The following ABCB1 variants were observed in gnomAD, a reference collection of about 807,000 sequenced individuals.
ABCB1 encodes the protein ATP-dependent translocase ABCB1.
A neutral mutation model predicts 142.0 loss-of-function variants in ABCB1; 69 were observed. That is an observed-to-expected ratio of 0.49 (90% CI 0.40 to 0.59). The LOEUF (loss-of-function observed/expected upper bound fraction) is 0.59, where lower values mean the gene tolerates loss of function less well. ABCB1 is among the 20% of genes least tolerant of loss of function. The pLI, the probability that ABCB1 is intolerant of heterozygous loss-of-function variation, is 0.00. For missense variants in ABCB1, 1,326 were observed against 1,554.7 expected (o/e 0.85, Z 2.47); for synonymous variants, 532 against 539.2 (o/e 0.99, Z 0.18).
intron 1 of ABCB1, among the ~76,000 whole-genome samples, chr7:87,642,486 C>G (rs1034788685): frequency 2.6e-5 from 4 of 152,012 alleles, no homozygotes; most frequent in African/African-American, 9.6e-5. Context: ...ATAAAGTGTT[C>G]TTTATTAAAA....
At chr7:87,626,123 AT>A (rs764426382) in intron 1 of ABCB1, among the ~76,000 whole-genome samples, 63 of 125,164 alleles carry the variant, frequency 5.0e-4, no homozygotes, top group East Asian at 2.9e-3. Flanking sequence ...TGTCATATAT[AT>A]TGTCATATAT....
chr7:87,516,510 G>T lies in ABCB1; in HGVS notation c.3083C>A (p.Pro1028Gln). The T allele has an allele frequency of 6.2e-7, 1 of 1,614,088 alleles. No individual in the cohort carries two copies. The change falls in exon 24 of 28, where the codon CCG becomes CAG. Residue 1028 changes from proline to glutamine, a missense_variant and splice_region_variant. Coordinates refer to ENST00000622132, the MANE Select transcript of ABCB1 (RefSeq NM_001348946.2). Reference protein sequence around the residue: ...IDSYSTEGLMPNTLEGNVTFG... With the variant: ...IDSYSTEGLMQNTLEGNVTFG... Reference sequence around the variant, plus strand: ...AAACAGTTGAAACATCAAACTCACCGGCATTAGGCCTTCCGTGCTGTAGCT... The same window carrying T: ...AAACAGTTGAAACATCAAACTCACCTGCATTAGGCCTTCCGTGCTGTAGCT...
rs1563063911 is a variant in ABCB1 at position 87,585,507 on chromosome 7, C to G, written c.286+5G>C. 1.2e-6 allele frequency: 2 copies of G among 1,613,226 alleles called. No individual in the cohort carries two copies. The highest frequency in any genetic ancestry group is 1.7e-6 in the Non-Finnish European group (2 of 1,179,696). On this transcript the variant is annotated splice_donor_5th_base_variant and intron_variant, in intron 4 of 27. Coordinates refer to ENST00000622132, the MANE Select transcript of ABCB1 (RefSeq NM_001348946.2). ...CAATAAAATTGGTACACAAACAATACTTACTTCTATTAGTGATGTTTGACA... is the reference window on the plus strand; with the variant it reads ...CAATAAAATTGGTACACAAACAATAGTTACTTCTATTAGTGATGTTTGACA...
chr7:87,567,880 G>A (rs1274012516), intron 5 of ABCB1, among the ~76,000 whole-genome samples: 1 of 151,932 alleles, frequency 6.6e-6, no homozygotes, highest in Non-Finnish European at 1.5e-5. Flanking sequence ...AGATCACAAG[G>A]TCAGGAGTTG....
chr7:87,520,007 G>A (rs557119446), intron 22 of ABCB1, among the ~76,000 whole-genome samples: 22 of 152,160 alleles, frequency 1.4e-4, no homozygotes, highest in Middle Eastern at 3.4e-3. Context: ...ATTCTTCGGG[G>A]GTCTCAGAGA....
At chr7:87,675,596 A>G (rs960993935) in intron 1 of ABCB1, among the ~76,000 whole-genome samples, 4 of 150,376 alleles carry the variant, frequency 2.7e-5, no homozygotes, top group African/African-American at 7.3e-5. Flanking sequence ...AGAGTACACA[A>G]TAGGGAAAGG....
At chr7:87,571,155 A>T (rs1818034422) in intron 4 of ABCB1, among the ~76,000 whole-genome samples, 1 of 152,232 alleles carries the variant, frequency 6.6e-6, no homozygotes, top group Non-Finnish European at 1.5e-5. Context: ...TTCAACTGGT[A>T]TGGAAAAGAG....
intron 13 of ABCB1, 97 bp from the exon 14 acceptor site, chr7:87,549,615 C>G (rs1337203939): frequency 5.8e-6 from 9 of 1,557,722 alleles, no homozygotes; most frequent in Non-Finnish European, 8.0e-6. Flanking sequence ...CCAAGTCTCA[C>G]AAGTAATACA....
intron 1 of ABCB1, among the ~76,000 whole-genome samples, chr7:87,624,185 T>C (rs754005181): frequency 3.3e-5 from 5 of 152,238 alleles, no homozygotes; most frequent in Admixed American, 6.5e-5. Flanking sequence ...AGCGTGATGA[T>C]TGAGCTTTCA....
At chr7:87,657,746 C>A (rs1824258932) in intron 1 of ABCB1, among the ~76,000 whole-genome samples, 10 of 152,090 alleles carry the variant, frequency 6.6e-5, no homozygotes, top group Admixed American at 6.6e-4. Context: ...AAGGAGGCCA[C>A]CCCAAGTACC....
rs1226433868 is a variant in ABCB1, at chr7:87,515,446, A to G, written c.3085-18T>C. The G allele has an allele frequency of 2.5e-6, 4 of 1,612,372 alleles. No homozygotes were observed. Among genetic ancestry groups the G allele is most frequent in the Non-Finnish European group, 3.4e-6 (4 of 1,178,466 alleles). On this transcript the variant is annotated intron_variant, in intron 24 of 27. Transcript: ENST00000622132. Reference sequence around the variant, plus strand: ...AATGTGTTCTGCAATGAGAAGAATAACAGTAAATTTGAATGCTGCAATACT... The same window carrying G: ...AATGTGTTCTGCAATGAGAAGAATAGCAGTAAATTTGAATGCTGCAATACT...
intron 1 of ABCB1, among the ~76,000 whole-genome samples, chr7:87,640,099 C>A (rs1404424815): frequency 6.7e-6 from 1 of 150,214 alleles, no homozygotes; most frequent in Non-Finnish European, 1.5e-5. Context: ...TGGTTTATTA[C>A]AGCTTAATGC....
At chr7:87,660,468 C>T (rs955189491) in intron 1 of ABCB1, among the ~76,000 whole-genome samples, 3 of 152,052 alleles carry the variant, frequency 2.0e-5, no homozygotes, top group African/African-American at 7.2e-5. Flanking sequence ...AAAATTAAAG[C>T]TCTCTAAAGA....
intron 2 of ABCB1, among the ~76,000 whole-genome samples, chr7:87,598,991 C>A (rs1224336306): frequency 6.6e-6 from 1 of 152,246 alleles, no homozygotes; most frequent in Middle Eastern, 3.4e-3. Context: ...TTGTTACTGT[C>A]CCTTTCAGTG....
chr7:87,711,055 G>A (rs1301821722), intron 1 of ABCB1, among the ~76,000 whole-genome samples: 1 of 151,876 alleles, frequency 6.6e-6, no homozygotes, highest in Non-Finnish European at 1.5e-5. Context: ...GGCCGGGCAC[G>A]GTGGCTCACA....
Position 87,705,255 on chromosome 7 carries a change from T to C in ABCB1, c.-331+7906A>G, listed in dbSNP as rs573393978. ...GCCTGGCTAACATGGCAAAACCCTG[T>C]CTCTACTTAAAATATGAAAAATTAG... On this transcript the variant is annotated intron_variant, in intron 1 of 28. Coordinates refer to the ABCB1 transcript ENST00000265724. 7.9e-4 allele frequency among the ~76,000 whole-genome samples: 120 copies of C among 152,226 alleles called. 2 individuals carry two copies. The highest frequency in any genetic ancestry group is 2.8e-3 in the African/African-American group (118 of 41,512).
chr7:87,620,171 CT>C (rs1320750574), intron 1 of ABCB1, among the ~76,000 whole-genome samples: 2 of 148,934 alleles, frequency 1.3e-5, no homozygotes, highest in East Asian at 2.0e-4. Flanking sequence ...TTCTTTCTTT[CT>C]TTTTTTTAGA....
At position 87,516,548 on chromosome 7, in the gene ABCB1, G is replaced by T; in HGVS notation, c.3045C>A (p.Thr1015=). 1 of 1,614,100 alleles carries T rather than the reference G, an allele frequency of 6.2e-7. No homozygotes were observed. Among genetic ancestry groups the T allele is most frequent in the Non-Finnish European group, 8.5e-7 (1 of 1,180,018 alleles). Residue 1015 remains threonine (T), a synonymous_variant, in exon 24 of 28, where the codon ACC becomes ACA. Transcript: ENST00000622132. Reference sequence around the variant, plus strand: ...CCGTGCTGTAGCTGTCAATCAAAGGGGTTTTTTCAATGATCATGATGATGT... The same window carrying T: ...CCGTGCTGTAGCTGTCAATCAAAGGTGTTTTTTCAATGATCATGATGATGT... ...AAHIIMIIEK[T]PLIDSYSTEG...
intron 2 of ABCB1, among the ~76,000 whole-genome samples, chr7:87,599,433 C>T (rs1315120627): frequency 6.6e-6 from 1 of 152,118 alleles, no homozygotes; most frequent in Non-Finnish European, 1.5e-5. Context: ...AGCCATTTAC[C>T]GGAAGCAAGA....
Sources: allele counts gnomAD v4.1 joint callset (sites outside exome capture counted in the v4.1 genomes callset), GRCh38; gene constraint gnomAD v4.1.1; transcripts MANE v1.5; gene names NCBI Gene and HGNC (gene_info 2026-07-23, HGNC 2026-07-21).